The following JAKMIP2 variants were observed in gnomAD, a reference collection of about 807,000 sequenced individuals.
JAKMIP2 encodes janus kinase and microtubule-interacting protein 2.
In JAKMIP2, 25 loss-of-function variants were observed where a neutral mutation model predicts 115.0. The observed-to-expected ratio is 0.22, with a 90% CI of 0.16 to 0.30. The LOEUF (loss-of-function observed/expected upper bound fraction) is 0.30. Among genes scored for constraint, JAKMIP2 ranks in the 10% least tolerant of loss-of-function variants. The pLI, the probability that JAKMIP2 is intolerant of heterozygous loss-of-function variation, is 1.00. For missense variants in JAKMIP2, 642 were observed against 957.6 expected (o/e 0.67, Z 4.35); for synonymous variants, 334 against 343.6 (o/e 0.97, Z 0.31).
chr5:147,603,688 G>A (rs1329226735), intron 20 of JAKMIP2, among the ~76,000 whole-genome samples: 4 of 152,138 alleles, frequency 2.6e-5, no homozygotes, highest in African/African-American at 7.2e-5. Flanking sequence ...TGTGAAATAT[G>A]CAAGGTTGAT....
rs1758938238 is a variant in JAKMIP2 at position 147,661,065 on chromosome 5, C to T, written c.510G>A (p.Leu170=). The change falls in exon 3 of 22, where the codon CTG becomes CTA. Residue 170 remains leucine (L), a synonymous_variant. Coordinates refer to ENST00000616793, the MANE Select transcript of JAKMIP2 (RefSeq NM_001270941.2). ...KTAKKQVDEA[L]SNMIQADKIK... ...TTTTATCTGCTTGGATCATATTGCT[C>T]AGAGCCTCGTCCACCTGCTTCTTGG... The T allele has an allele frequency of 1.2e-6, 2 of 1,614,032 alleles. No homozygotes were observed. The highest frequency in any genetic ancestry group is 1.7e-6 in the Non-Finnish European group (2 of 1,180,012).
At chr5:147,744,285 T>C (rs567310975) in intron 1 of JAKMIP2, among the ~76,000 whole-genome samples, 5 of 152,304 alleles carry the variant, frequency 3.3e-5, no homozygotes, top group South Asian at 4.1e-4. Flanking sequence ...TATTTAATGA[T>C]GACAGGGGGC....
intron 21 of JAKMIP2, chr5:147,595,653 T>C (rs574978930): frequency 2.7e-6 from 1 of 371,080 alleles, no homozygotes; most frequent in African/African-American, 2.1e-5. Flanking sequence ...GCAGAATTGT[T>C]GTAAGTATTA....
chr5:147,692,805 C>T (rs1017298196), intron 1 of JAKMIP2, among the ~76,000 whole-genome samples: 13 of 152,230 alleles, frequency 8.5e-5, no homozygotes, highest in East Asian at 7.7e-4. Flanking sequence ...TAGATTTGAA[C>T]GATGGTCTTT....
At chr5:147,642,659 G>A (rs1344883421) in intron 7 of JAKMIP2, among the ~76,000 whole-genome samples, 1 of 151,420 alleles carries the variant, frequency 6.6e-6, no homozygotes, top group South Asian at 2.1e-4. Flanking sequence ...AGTGGTGTTC[G>A]GGCTTTTTTT....
chr5:147,656,023 C>T (rs1261031634), intron 3 of JAKMIP2, among the ~76,000 whole-genome samples: 1 of 152,128 alleles, frequency 6.6e-6, no homozygotes, highest in African/African-American at 2.4e-5. Context: ...TTTCTTAATC[C>T]TGAGTTCTAA....
chr5:147,623,752 C>T (rs1756961650), intron 16 of JAKMIP2, 63 bp from the exon 17 acceptor site: 25 of 1,055,496 alleles, frequency 2.4e-5, no homozygotes, highest in Non-Finnish European at 3.7e-5. Context: ...TATCTGTGTG[C>T]CCCCATGAGG....
At chr5:147,634,911 T>C (rs1266843307) in intron 12 of JAKMIP2, among the ~76,000 whole-genome samples, 2 of 152,252 alleles carry the variant, frequency 1.3e-5, no homozygotes, top group African/African-American at 4.8e-5. Context: ...ATAAAAACAA[T>C]TCTAAAATAA....
chr5:147,721,134 G>T (rs1002921363), intron 1 of JAKMIP2, among the ~76,000 whole-genome samples: 2 of 151,614 alleles, frequency 1.3e-5, no homozygotes, highest in African/African-American at 4.9e-5. Flanking sequence ...TGCCCCTGCT[G>T]GGGGGTGCCT....
intron 1 of JAKMIP2, among the ~76,000 whole-genome samples, chr5:147,765,506 A>C (rs1039652602): frequency 6.6e-6 from 1 of 152,114 alleles, no homozygotes; most frequent in African/African-American, 2.4e-5. Flanking sequence ...GAATTCCTTT[A>C]ATTCACTCAT....
intron 1 of JAKMIP2, among the ~76,000 whole-genome samples, chr5:147,699,680 G>A (rs1281943928): frequency 2.6e-5 from 4 of 152,128 alleles, no homozygotes; most frequent in African/African-American, 9.7e-5. Flanking sequence ...AACAAAAATA[G>A]AATTCCAGAA....
At chr5:147,774,641 A>G (rs925872189) in intron 1 of JAKMIP2, among the ~76,000 whole-genome samples, 4 of 152,156 alleles carry the variant, frequency 2.6e-5, no homozygotes, top group Non-Finnish European at 4.4e-5. Context: ...TGCTTGACCT[A>G]TGAGTAGGTT....
At chr5:147,619,538 C>T (rs1179980999) in intron 18 of JAKMIP2, among the ~76,000 whole-genome samples, 3 of 152,162 alleles carry the variant, frequency 2.0e-5, no homozygotes, top group African/African-American at 7.2e-5. Flanking sequence ...AAAACCTCTG[C>T]TAGGAATTCT....
chr5:147,748,951 A>G (rs1754453731), intron 1 of JAKMIP2, among the ~76,000 whole-genome samples: 1 of 151,676 alleles, frequency 6.6e-6, no homozygotes, highest in African/African-American at 2.4e-5. Context: ...TTAAACCTCC[A>G]CTCTTAACCT....
intron 21 of JAKMIP2, among the ~76,000 whole-genome samples, chr5:147,596,837 T>G (rs1233591271): frequency 6.6e-6 from 1 of 152,164 alleles, no homozygotes; most frequent in Non-Finnish European, 1.5e-5. Context: ...TCCTTATCCA[T>G]GTAAAAACTA....
chr5:147,732,109 T>G (rs1753755041), intron 1 of JAKMIP2, among the ~76,000 whole-genome samples: 1 of 152,228 alleles, frequency 6.6e-6, no homozygotes, highest in Admixed American at 6.5e-5. Context: ...ATGGGTGATC[T>G]CTTTTCCATC....
intron 1 of JAKMIP2, among the ~76,000 whole-genome samples, chr5:147,685,701 T>C (rs1261357765): frequency 6.6e-6 from 1 of 152,196 alleles, no homozygotes; most frequent in East Asian, 1.9e-4. Flanking sequence ...CTAAGCACTT[T>C]ATAGAAATAA....
At chr5:147,631,915 C>A (rs181014043) in intron 13 of JAKMIP2, among the ~76,000 whole-genome samples, 5 of 152,284 alleles carry the variant, frequency 3.3e-5, no homozygotes, top group East Asian at 3.9e-4. Context: ...AAGAATGACT[C>A]TTCTTCACTG....
At chr5:147,722,425 T>A (rs1753350674) in intron 1 of JAKMIP2, among the ~76,000 whole-genome samples, 1 of 152,190 alleles carries the variant, frequency 6.6e-6, no homozygotes, top group Non-Finnish European at 1.5e-5. Context: ...GTGAGGTACC[T>A]TGTGTAAGTA....
Sources: allele counts gnomAD v4.1 joint callset (sites outside exome capture counted in the v4.1 genomes callset), GRCh38; gene constraint gnomAD v4.1.1; transcripts MANE v1.5; gene names NCBI Gene and HGNC (gene_info 2026-07-23, HGNC 2026-07-21).